Variants in GRIN2A observed in about 807,000 individuals in gnomAD.
GRIN2A encodes the protein glutamate receptor ionotropic, NMDA 2A.
GRIN2A carries 22 observed loss-of-function variants against 113.4 expected under a neutral mutation model. The ratio of observed to expected loss-of-function variants is 0.19; its 90% CI spans 0.14 to 0.28. The LOEUF (loss-of-function observed/expected upper bound fraction) is 0.28. GRIN2A is among the 10% of genes least tolerant of loss of function. The pLI is 1.00. For missense variants in GRIN2A, 1,502 were observed against 1,887.0 expected (o/e 0.80, Z 3.78); for synonymous variants, 827 against 738.4 (o/e 1.12, Z -1.94).
At chr16:9,947,692 T>C (rs2045052600) in intron 2 of GRIN2A, among the ~76,000 whole-genome samples, 1 of 152,216 alleles carries the variant, frequency 6.6e-6, no homozygotes, top group Admixed American at 6.5e-5. Context: ...CAGACACTGG[T>C]ACCAAATAGA....
At chr16:9,914,925 T>G (rs1352577386) in intron 3 of GRIN2A, among the ~76,000 whole-genome samples, 11 of 80,886 alleles carry the variant, frequency 1.4e-4, no homozygotes, top group African/African-American at 6.2e-4. Context: ...TTTTTTTTTT[T>G]TTTTTTTTTT....
chr16:10,065,642 G>A (rs1348012332), intron 2 of GRIN2A, among the ~76,000 whole-genome samples: 1 of 152,248 alleles, frequency 6.6e-6, no homozygotes, highest in Non-Finnish European at 1.5e-5. Flanking sequence ...CAGCATGGAT[G>A]AAGGGCATCT....
chr16:9,842,987 GA>G (rs1181893194), intron 5 of GRIN2A, among the ~76,000 whole-genome samples: 1 of 144,960 alleles, frequency 6.9e-6, no homozygotes, highest in Non-Finnish European at 1.5e-5. Context: ...AAGAAAGAAA[GA>G]AAGAAAGAGA....
intron 2 of GRIN2A, chr16:10,112,646 C>A (rs374922751): frequency 1.3e-6 from 1 of 764,740 alleles, no homozygotes; most frequent in Non-Finnish European, 2.4e-6. Context: ...TGGAGAAGAG[C>A]AGCAGCAGCC....
At chr16:10,057,420 G>T (rs1567267960) in intron 2 of GRIN2A, among the ~76,000 whole-genome samples, 2 of 152,112 alleles carry the variant, frequency 1.3e-5, no homozygotes, top group Non-Finnish European at 2.9e-5. Flanking sequence ...TAGATGAGGA[G>T]CAAAATATCC....
chr16:10,077,848 C>T (rs1295180251), intron 2 of GRIN2A, among the ~76,000 whole-genome samples: 3 of 152,004 alleles, frequency 2.0e-5, no homozygotes, highest in Admixed American at 6.6e-5. Context: ...ATCCAAATAC[C>T]ATTTTTTTTG....
At chr16:10,138,932 T>G (rs1212440510) in intron 2 of GRIN2A, among the ~76,000 whole-genome samples, 1 of 152,158 alleles carries the variant, frequency 6.6e-6, no homozygotes, top group Admixed American at 6.6e-5. Flanking sequence ...TCCACTAAGG[T>G]CTGAGTACCT....
At chr16:10,056,713 A>G (rs2047462470) in intron 2 of GRIN2A, among the ~76,000 whole-genome samples, 1 of 152,164 alleles carries the variant, frequency 6.6e-6, no homozygotes, top group Admixed American at 6.5e-5. Flanking sequence ...AGAGACTAGA[A>G]TGATGTACCT....
At chr16:10,117,596 C>T (rs920661662) in intron 2 of GRIN2A, among the ~76,000 whole-genome samples, 1 of 152,132 alleles carries the variant, frequency 6.6e-6, no homozygotes, top group African/African-American at 2.4e-5. Context: ...CTTCCTGGAC[C>T]AGATAACCAT....
At chr16:9,776,703 G>C (rs1901625564) in intron 11 of GRIN2A, among the ~76,000 whole-genome samples, 1 of 151,922 alleles carries the variant, frequency 6.6e-6, no homozygotes, top group African/African-American at 2.4e-5. Context: ...ATCTCATTCG[G>C]GTTCGCTGTG....
chr16:10,084,587 C>T (rs1342235704), intron 2 of GRIN2A, among the ~76,000 whole-genome samples: 1 of 152,034 alleles, frequency 6.6e-6, no homozygotes, highest in Non-Finnish European at 1.5e-5. Flanking sequence ...TTTGGAATTG[C>T]ATGTTGGGTG....
At chr16:9,956,320 G>A (rs938428616) in intron 2 of GRIN2A, among the ~76,000 whole-genome samples, 3 of 152,086 alleles carry the variant, frequency 2.0e-5, no homozygotes, top group Non-Finnish European at 4.4e-5. Context: ...AAGCAAAGGT[G>A]AATAAAAATT....
intron 2 of GRIN2A, among the ~76,000 whole-genome samples, chr16:9,939,764 A>C (rs1331900398): frequency 6.6e-6 from 1 of 152,082 alleles, no homozygotes; most frequent in Non-Finnish European, 1.5e-5. Flanking sequence ...ATCACTGAAG[A>C]TCTGTATGGA....
Position 9,842,001 on chromosome 16 carries a change from C to T in GRIN2A, c.1329-897G>A, listed in dbSNP as rs563402490. On this transcript the variant is annotated intron_variant, in intron 5 of 12. Coordinates refer to ENST00000330684, the MANE Select transcript of GRIN2A (RefSeq NM_001134407.3). ...GTATGGTGGCTCACACCTATAATCC[C>T]AGCACTTTCGGAGGCTGTGGCGGGT... 3.2e-4 allele frequency among the ~76,000 whole-genome samples: 48 copies of T among 152,278 alleles called. 1 individual carries two copies. The highest frequency in any genetic ancestry group is 1.1e-3 in the African/African-American group (44 of 41,558).
At chr16:9,885,729 G>A (rs575873741) in intron 4 of GRIN2A, among the ~76,000 whole-genome samples, 1 of 152,246 alleles carries the variant, frequency 6.6e-6, no homozygotes, top group African/African-American at 2.4e-5. Flanking sequence ...GTGCTGGGGG[G>A]GCAGCTTTAA....
At chr16:10,024,220 ATGTTTGTT>A (rs3033410) in intron 2 of GRIN2A, among the ~76,000 whole-genome samples, 4 of 151,774 alleles carry the variant, frequency 2.6e-5, no homozygotes, top group Admixed American at 1.3e-4. Context: ...AATGGTATGC[ATGTTTGTT>A]TGTTTGTTTG....
rs375260513 is a variant in GRIN2A at position 9,849,813 on chromosome 16, G to A, written c.1271C>T (p.Pro424Leu). Residue 424 changes from proline (P) to leucine (L), a missense_variant, in exon 5 of 13, where the codon CCC (proline) becomes CTC (leucine). Pro to Leu is a moderately conservative substitution (Grantham distance 98, BLOSUM62 -3). Around this residue, in one of 7 missense-constraint regions of GRIN2A, gnomAD observed 334 missense variants for 403.0 expected, o/e 0.83. Transcript: ENST00000330684. Reference sequence around the variant, plus strand: ...GTTCCTCACACACGTCTCGGTCAGGGGGTCTATGTCTTCCACGATGACGAA... The same window carrying A: ...GTTCCTCACACACGTCTCGGTCAGGAGGTCTATGTCTTCCACGATGACGAA... ...APFVIVEDID[P>L]LTETCVRNTV... 38 of 1,614,036 alleles carry A rather than the reference G, an allele frequency of 2.4e-5. No homozygotes were observed. The South Asian group carries it at 2.9e-4, about 12-fold the overall frequency.
intron 2 of GRIN2A, among the ~76,000 whole-genome samples, chr16:10,017,745 G>A (rs1439192761): frequency 1.3e-5 from 2 of 152,080 alleles, no homozygotes; most frequent in Non-Finnish European, 2.9e-5. Flanking sequence ...ACATTTAAGA[G>A]GGTGATAAAT....
intron 2 of GRIN2A, among the ~76,000 whole-genome samples, chr16:9,987,350 T>C (rs950607482): frequency 1.3e-5 from 2 of 152,184 alleles, no homozygotes; most frequent in African/African-American, 4.8e-5. Flanking sequence ...CTCACTCCCA[T>C]TTATAACTCA....
Sources: gnomAD v4.1 joint callset for allele counts (sites outside exome capture counted in the v4.1 genomes callset) on GRCh38, gnomAD v4.1.1 for gene constraint, gnomAD v4.1.1 regional missense constraint, MANE v1.5 for transcripts, NCBI Gene and HGNC (gene_info 2026-07-23, HGNC 2026-07-21) for gene names.